Variants in WNT7A observed in about 807,000 individuals in gnomAD.
WNT7A encodes protein Wnt-7a.
In WNT7A, 16 loss-of-function variants were observed where a neutral mutation model predicts 28.2. That is an observed-to-expected ratio of 0.57 (90% confidence interval 0.38 to 0.86). The LOEUF is 0.86. Among genes scored for constraint, WNT7A ranks in the 40% least tolerant of loss-of-function variants. The pLI, the probability that WNT7A is intolerant of heterozygous loss-of-function variation, is 0.00. For missense variants in WNT7A, 411 were observed against 489.7 expected (o/e 0.84, Z 1.52); for synonymous variants, 190 against 195.9 (o/e 0.97, Z 0.25).
At chr3:13,857,470 C>A (rs1011456244) in intron 2 of WNT7A, among the ~76,000 whole-genome samples, 2 of 152,138 alleles carry the variant, frequency 1.3e-5, no homozygotes, top group Non-Finnish European at 2.9e-5. Context: ...CAGGTCCACA[C>A]CAGCCAGCGC....
chr3:13,834,745 C>T (rs1260353385), intron 3 of WNT7A, among the ~76,000 whole-genome samples: 1 of 152,174 alleles, frequency 6.6e-6, no homozygotes. Context: ...TGAGGCTCTC[C>T]CTGACTTTTG....
chr3:13,821,829 G>C (rs527511516), intron 3 of WNT7A, among the ~76,000 whole-genome samples: 100 of 152,314 alleles, frequency 6.6e-4, no homozygotes, highest in African/African-American at 2.3e-3. Context: ...TGGGGGTCCT[G>C]GCAATATTCT....
intron 3 of WNT7A, among the ~76,000 whole-genome samples, chr3:13,851,362 C>A (rs974126367): frequency 1.3e-5 from 2 of 152,218 alleles, no homozygotes; most frequent in African/African-American, 4.8e-5. Context: ...CCACACGGAG[C>A]CCCCACAGCA....
chr3:13,854,596 G>T lies in WNT7A; in HGVS notation c.506C>A (p.Ala169Asp). 1.2e-6 allele frequency: 2 copies of T among 1,614,142 alleles called. No homozygotes were observed. Among genetic ancestry groups the T allele is most frequent in the Non-Finnish European group, 1.7e-6 (2 of 1,180,034 alleles). ...CCGGGCATTCTGCTTGATCTCCCGG[G>T]CATCCACAAAGACCTTGGCGAAGCC... is the stretch of plus-strand genomic sequence containing the variant. ...GIGFAKVFVD[A>D]REIKQNARTL... Residue 169 changes from alanine to aspartate, a missense_variant, in exon 3 of 4, where the codon GCC becomes GAC. Coordinates refer to ENST00000285018, the MANE Select transcript of WNT7A (RefSeq NM_004625.4).
chr3:13,825,099 A>G (rs536721252), intron 3 of WNT7A, among the ~76,000 whole-genome samples: 2 of 152,332 alleles, frequency 1.3e-5, no homozygotes, highest in East Asian at 1.9e-4. Flanking sequence ...GTAAGAGCAC[A>G]GGGTATTTCT....
At chr3:13,847,849 T>C (rs939329570) in intron 3 of WNT7A, among the ~76,000 whole-genome samples, 1 of 151,578 alleles carries the variant, frequency 6.6e-6, no homozygotes, top group African/African-American at 2.4e-5. Flanking sequence ...AGGGACAGAG[T>C]CTTCGTTTGG....
At chr3:13,845,067 G>T (rs998484765) in intron 3 of WNT7A, among the ~76,000 whole-genome samples, 1 of 152,188 alleles carries the variant, frequency 6.6e-6, no homozygotes, top group Admixed American at 6.5e-5. Flanking sequence ...GGCTCTCAGG[G>T]CCTCGCCATG....
At chr3:13,859,683 T>C (rs1694798816) in intron 2 of WNT7A, among the ~76,000 whole-genome samples, 1 of 152,210 alleles carries the variant, frequency 6.6e-6, no homozygotes, top group Non-Finnish European at 1.5e-5. Flanking sequence ...TGCTGTGTCC[T>C]CAGGGCCTGG....
At chr3:13,872,938 T>C (rs1695047798) in intron 2 of WNT7A, among the ~76,000 whole-genome samples, 1 of 152,210 alleles carries the variant, frequency 6.6e-6, no homozygotes. Flanking sequence ...TTTCCTCATC[T>C]ATAACATCTT....
rs115265266 is a variant in WNT7A at position 13,876,359 on chromosome 3, C to T, written c.72-1186G>A. Among the ~76,000 whole-genome samples, 715 of 152,330 alleles carry T rather than the reference C, an allele frequency of 4.7e-3. 6 individuals carry two copies. The highest frequency in any genetic ancestry group is 0.016 in the African/African-American group (670 of 41,578). On this transcript the variant is annotated intron_variant, in intron 1 of 3. Transcript: ENST00000285018. Reference sequence around the variant, plus strand: ...AGGGCTGGCATTTTCTCAGGTGCATCAGGCAGCACCAGGAAGCACTGAAGG... The same window carrying T: ...AGGGCTGGCATTTTCTCAGGTGCATTAGGCAGCACCAGGAAGCACTGAAGG...
intron 3 of WNT7A, among the ~76,000 whole-genome samples, chr3:13,843,510 G>A (rs922116024): frequency 1.3e-4 from 20 of 151,918 alleles, no homozygotes; most frequent in African/African-American, 4.4e-4. Flanking sequence ...ACACCTCCCC[G>A]CATGGTCTGG....
intron 3 of WNT7A, among the ~76,000 whole-genome samples, chr3:13,838,226 C>G (rs1224151098): frequency 6.6e-6 from 1 of 152,082 alleles, no homozygotes; most frequent in Admixed American, 6.6e-5. Flanking sequence ...GAGTGGAGAC[C>G]CAGGGCCCAG....
chr3:13,853,510 C>G (rs1430776460), intron 3 of WNT7A, among the ~76,000 whole-genome samples: 1 of 152,218 alleles, frequency 6.6e-6, no homozygotes, highest in African/African-American at 2.4e-5. Context: ...ATTCCTCCCC[C>G]ACTCACCAGA....
intron 2 of WNT7A, among the ~76,000 whole-genome samples, chr3:13,864,197 G>A (rs950475934): frequency 6.6e-6 from 1 of 152,174 alleles, no homozygotes; most frequent in South Asian, 2.1e-4. Context: ...AATGTTCTGT[G>A]TGTGCAAAGA....
At chr3:13,865,232 G>T (rs561468320) in intron 2 of WNT7A, among the ~76,000 whole-genome samples, 1 of 152,068 alleles carries the variant, frequency 6.6e-6, no homozygotes, top group Admixed American at 6.5e-5. Flanking sequence ...TTAATATGCC[G>T]GCAGGCACCC....
intron 1 of WNT7A, among the ~76,000 whole-genome samples, chr3:13,875,402 T>C (rs2124879945): frequency 6.6e-6 from 1 of 152,306 alleles, no homozygotes; most frequent in East Asian, 1.9e-4. Flanking sequence ...ATACACACAC[T>C]TGATTTTTGT....
rs530056678 is a variant in WNT7A, at chr3:13,819,107, T to A, written c.887A>T (p.Lys296Met). 6.2e-7 allele frequency: 1 copy of A among 1,614,160 alleles called. No homozygotes were observed. The highest frequency in any genetic ancestry group is 1.3e-5 in the African/African-American group (1 of 75,062). ...SVGTQGRACN[K>M]TAPQASGCDL... is the part of the protein sequence containing the mutation. ...ACAGCCGCTGGCCTGGGGAGCCGTC[T>A]TGTTGCAGGCGCGGCCCTGGGTGCC... The change falls in exon 4 of 4, where the codon AAG becomes ATG. Residue 296 changes from lysine (K) to methionine (M), a missense_variant. By Grantham distance (95) the Lys-to-Met change is moderately conservative. Coordinates refer to ENST00000285018, the MANE Select transcript of WNT7A (RefSeq NM_004625.4).
At chr3:13,823,372 C>G (rs761281868) in intron 3 of WNT7A, among the ~76,000 whole-genome samples, 1 of 152,170 alleles carries the variant, frequency 6.6e-6, no homozygotes, top group Non-Finnish European at 1.5e-5. Flanking sequence ...ACAGCCGGTG[C>G]GCAGAAAATG....
In WNT7A at chr3:13,832,256, G is replaced by T. The variant is rs116296677; in HGVS notation, c.571-12833C>A. ...TCCTTCTCCCCCTCCTCCTCCTCTT[G>T]CTCCCATCCTCCTGCTCCTCCTCTT... On this transcript the variant is annotated intron_variant, in intron 3 of 3. Coordinates refer to ENST00000285018, the MANE Select transcript of WNT7A (RefSeq NM_004625.4). Among the ~76,000 whole-genome samples the T allele has an allele frequency of 3.7e-3, 498 of 135,326 alleles. 2 individuals carry two copies. The highest frequency in any genetic ancestry group is 0.013 in the African/African-American group (472 of 35,226). The allele number at this position is 135,326 out of a possible 152,430, so 88.8% of individuals were successfully genotyped here. A position where few individuals can be genotyped will look rare whatever the true frequency, so the allele number is the denominator to read the frequency against.
Sources: gnomAD v4.1 joint callset for allele counts (sites outside exome capture counted in the v4.1 genomes callset) on GRCh38, gnomAD v4.1.1 for gene constraint, MANE v1.5 for transcripts, NCBI Gene and HGNC (gene_info 2026-07-23, HGNC 2026-07-21) for gene names.